DOCK4: variants seen among roughly 807,000 people sequenced by gnomAD.
The protein encoded by DOCK4 is dedicator of cytokinesis protein 4.
In DOCK4, 97 loss-of-function variants were observed where a neutral mutation model predicts 268.1. The observed-to-expected ratio is 0.36, with a 90% CI of 0.31 to 0.43. The LOEUF is 0.43. Ranked by LOEUF, DOCK4 falls within the 20% of genes least tolerant of loss-of-function variation. The pLI is 1.00. For missense variants in DOCK4, 2,145 were observed against 2,455.7 expected (o/e 0.87, Z 2.67); for synonymous variants, 954 against 887.2 (o/e 1.08, Z -1.34).
At chr7:111,746,204 C>T (rs1035513581) in intron 44 of DOCK4, 130 bp downstream of exon 44, 2 of 648,706 alleles carry the variant, frequency 3.1e-6, no homozygotes, top group African/African-American at 1.9e-5. Context: ...GGATATATTA[C>T]AGGAATCTGT....
At chr7:112,071,042 G>T (rs942858589) in intron 1 of DOCK4, among the ~76,000 whole-genome samples, 5 of 152,220 alleles carry the variant, frequency 3.3e-5, no homozygotes, top group Admixed American at 2.0e-4. Context: ...AAGTAAAGCA[G>T]TTGGCAGAAG....
intron 1 of DOCK4, among the ~76,000 whole-genome samples, chr7:112,195,851 A>G (rs1820374379): frequency 6.6e-6 from 1 of 152,228 alleles, no homozygotes; most frequent in Non-Finnish European, 1.5e-5. Flanking sequence ...ATAAGTTGTT[A>G]GCAAATTCAA....
At chr7:111,886,982 G>A (rs575879280) in intron 16 of DOCK4, among the ~76,000 whole-genome samples, 1 of 152,274 alleles carries the variant, frequency 6.6e-6, no homozygotes, top group South Asian at 2.1e-4. Context: ...ACTATACATA[G>A]TTAAGTATGT....
chr7:111,840,834 T>C (rs1045006845), intron 25 of DOCK4: 1 of 1,351,068 alleles, frequency 7.4e-7, no homozygotes, highest in Non-Finnish European at 9.8e-7. Flanking sequence ...AATGTAGTAC[T>C]GCCATGTGAA....
At chr7:112,099,206 C>T (rs757040023) in intron 1 of DOCK4, among the ~76,000 whole-genome samples, 6 of 151,000 alleles carry the variant, frequency 4.0e-5, no homozygotes, top group Non-Finnish European at 8.8e-5. Flanking sequence ...ATGGGAGAAT[C>T]GCTGGAGCCC....
intron 26 of DOCK4, among the ~76,000 whole-genome samples, chr7:111,832,418 T>C (rs1030788000): frequency 6.6e-6 from 1 of 152,216 alleles, no homozygotes; most frequent in Non-Finnish European, 1.5e-5. Context: ...CCTGGTTACA[T>C]CCCTAGTGCG....
chr7:111,919,213 A>G (rs1792887465), intron 12 of DOCK4, among the ~76,000 whole-genome samples: 1 of 152,198 alleles, frequency 6.6e-6, no homozygotes, highest in South Asian at 2.1e-4. Context: ...AAAGAAAACC[A>G]TTGGGTCAGA....
At chr7:111,949,450 T>C (rs1319443928) in intron 8 of DOCK4, among the ~76,000 whole-genome samples, 1 of 152,176 alleles carries the variant, frequency 6.6e-6, no homozygotes, top group Non-Finnish European at 1.5e-5. Context: ...TTACACAGAA[T>C]CCTGATTATG....
chr7:111,810,683 C>T (rs1801058196), intron 28 of DOCK4, among the ~76,000 whole-genome samples: 1 of 152,002 alleles, frequency 6.6e-6, no homozygotes, highest in South Asian at 2.1e-4. Flanking sequence ...AACAATTCCA[C>T]TAATAAATAT....
chr7:112,183,090 C>A (rs1819197802), intron 1 of DOCK4, among the ~76,000 whole-genome samples: 1 of 152,208 alleles, frequency 6.6e-6, no homozygotes, highest in Admixed American at 6.5e-5. Flanking sequence ...ACTAACCTTA[C>A]AAATCAGAAG....
At chr7:111,828,772 T>C (rs1802583957) in intron 26 of DOCK4, among the ~76,000 whole-genome samples, 1 of 151,822 alleles carries the variant, frequency 6.6e-6, no homozygotes, top group African/African-American at 2.4e-5. Flanking sequence ...ATCCATATAA[T>C]GAGATTCAGA....
At chr7:111,940,547 A>G (rs1795127123) in intron 10 of DOCK4, among the ~76,000 whole-genome samples, 1 of 152,218 alleles carries the variant, frequency 6.6e-6, no homozygotes, top group Admixed American at 6.5e-5. Context: ...AAGGCATCCC[A>G]GGAAGTTCAC....
Position 111,850,133 on chromosome 7 carries a change from A to C in DOCK4, c.2474-3007T>G, listed in dbSNP as rs144601728. ...AAGTACAGATACAAAAACCCTTTTC[A>C]AAACTTTAGCAAGTCAATTCCAACA... On this transcript the variant is annotated intron_variant, in intron 23 of 52. Transcript: ENST00000428084. 1.6e-4 allele frequency among the ~76,000 whole-genome samples: 24 copies of C among 152,188 alleles called. No homozygotes were observed. In the East Asian group the frequency reaches 4.1e-3, roughly 26 times the overall value.
rs140031918 is a variant in DOCK4 at position 111,870,052 on chromosome 7, G to A, written c.2028-397C>T. Reference sequence around the variant, plus strand: ...AAACAGCTGGATGCAATATCATTAGGCTGCAGGCAAAACGGGGTGGGAAGG... The same window carrying A: ...AAACAGCTGGATGCAATATCATTAGACTGCAGGCAAAACGGGGTGGGAAGG... On this transcript the variant is annotated intron_variant, in intron 20 of 52. Transcript: ENST00000428084. Among the ~76,000 whole-genome samples, 679 of 152,260 alleles carry A rather than the reference G, an allele frequency of 4.5e-3. 3 individuals carry two copies. The highest frequency in any genetic ancestry group is 8.7e-3 in the Admixed American group (133 of 15,298).
chr7:111,969,964 T>C (rs1797574517), intron 8 of DOCK4, among the ~76,000 whole-genome samples: 1 of 152,188 alleles, frequency 6.6e-6, no homozygotes, highest in Non-Finnish European at 1.5e-5. Flanking sequence ...TTCCTTTCTC[T>C]GGCCCATGGC....
At chr7:111,839,362 T>C (rs1171925009) in intron 25 of DOCK4, among the ~76,000 whole-genome samples, 1 of 152,216 alleles carries the variant, frequency 6.6e-6, no homozygotes, top group Non-Finnish European at 1.5e-5. Flanking sequence ...CATATTCACA[T>C]TGTCTCCATT....
intron 1 of DOCK4, among the ~76,000 whole-genome samples, chr7:112,054,648 T>G (rs1267893610): frequency 6.6e-6 from 1 of 152,196 alleles, no homozygotes; most frequent in Non-Finnish European, 1.5e-5. Flanking sequence ...AGATGTTTCA[T>G]GCAATGTTGG....
intron 1 of DOCK4, among the ~76,000 whole-genome samples, chr7:112,134,493 G>A (rs542494096): frequency 6.6e-6 from 1 of 152,214 alleles, no homozygotes; most frequent in African/African-American, 2.4e-5. Flanking sequence ...GCCAAGGCGG[G>A]CGGAACACAA....
chr7:112,008,428 CT>C (rs1485869717), intron 1 of DOCK4, among the ~76,000 whole-genome samples: 1 of 152,124 alleles, frequency 6.6e-6, no homozygotes, highest in Non-Finnish European at 1.5e-5. Context: ...AGTATCATTC[CT>C]TTATATAATG....
Sources: gnomAD v4.1 joint callset for allele counts (sites outside exome capture counted in the v4.1 genomes callset) on GRCh38, gnomAD v4.1.1 for gene constraint, MANE v1.5 for transcripts, NCBI Gene and HGNC (gene_info 2026-07-23, HGNC 2026-07-21) for gene names.